Variants in SMYD3 observed in about 807,000 individuals in gnomAD.
The protein encoded by SMYD3 is histone-lysine N-methyltransferase SMYD3.
In SMYD3, 36 loss-of-function variants were observed where a neutral mutation model predicts 57.7. The ratio of observed to expected loss-of-function variants is 0.62; its 90% CI spans 0.48 to 0.82. The LOEUF is 0.82. Ranked by LOEUF, SMYD3 falls within the 40% of genes least tolerant of loss-of-function variation. The pLI is 0.00. For missense variants in SMYD3, 515 were observed against 538.8 expected, an observed-to-expected ratio of 0.96 and a Z score of 0.44; for synonymous variants, 211 against 195.0, an observed-to-expected ratio of 1.08 and a Z score of -0.68.
chr1:246,485,632 A>C (rs942777943), intron 1 of SMYD3, among the ~76,000 whole-genome samples: 1 of 151,888 alleles, frequency 6.6e-6, no homozygotes, highest in African/African-American at 2.4e-5. Flanking sequence ...CTACAAAAAA[A>C]ATTTTTTTTA....
At position 245,981,479 on chromosome 1, in the gene SMYD3, C is replaced by T. The variant is rs1199419960; in HGVS notation, c.532-51542G>A. Among the ~76,000 whole-genome samples the T allele has an allele frequency of 4.6e-5, 7 of 152,346 alleles. No individual in the cohort carries two copies. The East Asian group carries it at 9.6e-4, about 21-fold the overall frequency. Reference sequence around the variant, plus strand: ...CTTTCAGAATCCTTCTATGTATATACATTTACATTAGAAATGTTTTAAAGG... The same window carrying T: ...CTTTCAGAATCCTTCTATGTATATATATTTACATTAGAAATGTTTTAAAGG... On this transcript the variant is annotated intron_variant, in intron 5 of 11. Coordinates refer to ENST00000490107, the MANE Select transcript of SMYD3 (RefSeq NM_001167740.2).
chr1:246,211,498 C>A (rs1467073115), intron 5 of SMYD3, among the ~76,000 whole-genome samples: 2 of 151,882 alleles, frequency 1.3e-5, no homozygotes, highest in Non-Finnish European at 2.9e-5. Context: ...TCCACTGATA[C>A]CACAATATAT....
At chr1:246,360,179 G>C (rs2065966213) in intron 1 of SMYD3, among the ~76,000 whole-genome samples, 1 of 152,120 alleles carries the variant, frequency 6.6e-6, no homozygotes, top group Non-Finnish European at 1.5e-5. Context: ...CAACCAAGCT[G>C]AGAATCAAAT....
chr1:245,867,173 A>G (rs1286100204), intron 8 of SMYD3, among the ~76,000 whole-genome samples: 4 of 152,188 alleles, frequency 2.6e-5, no homozygotes, highest in Admixed American at 6.5e-5. Context: ...TTAGAAGTAG[A>G]AGAGGGAGGC....
chr1:245,917,733 G>C (rs2153027), intron 7 of SMYD3, among the ~76,000 whole-genome samples: 1 of 152,268 alleles, frequency 6.6e-6, no homozygotes, highest in African/African-American at 2.4e-5. Flanking sequence ...GCTTGTACCA[G>C]ACTGTAGAAA....
chr1:246,135,092 C>G (rs532665332), intron 5 of SMYD3, among the ~76,000 whole-genome samples: 32 of 152,194 alleles, frequency 2.1e-4, no homozygotes, highest in African/African-American at 7.7e-4. Context: ...TTATTTAAAA[C>G]TATAACATGC....
chr1:246,386,753 A>T (rs12563081), intron 1 of SMYD3, among the ~76,000 whole-genome samples: 59,355 of 151,912 alleles, frequency 0.39, 11,795 homozygotes, highest in East Asian at 0.51. Flanking sequence ...TATAGACAAT[A>T]TGACAATGAG....
At chr1:245,909,025 A>G (rs1191501386) in intron 8 of SMYD3, among the ~76,000 whole-genome samples, 1 of 152,200 alleles carries the variant, frequency 6.6e-6, no homozygotes, top group African/African-American at 2.4e-5. Context: ...CAATGAAACA[A>G]AAAGTTTTTT....
intron 1 of SMYD3, among the ~76,000 whole-genome samples, chr1:246,473,450 G>C (rs2067987406): frequency 3.3e-5 from 5 of 152,112 alleles, no homozygotes; most frequent in Admixed American, 3.3e-4. Context: ...TTTTGGACTA[G>C]CTCTGTAAAT....
intron 5 of SMYD3, among the ~76,000 whole-genome samples, chr1:245,952,503 G>C (rs1207412217): frequency 6.6e-6 from 1 of 152,138 alleles, no homozygotes; most frequent in Non-Finnish European, 1.5e-5. Flanking sequence ...AACCTAACTA[G>C]AATCAATCAG....
At chr1:245,804,426 C>T (rs542698015) in intron 10 of SMYD3, among the ~76,000 whole-genome samples, 34 of 152,070 alleles carry the variant, frequency 2.2e-4, no homozygotes, top group Middle Eastern at 3.4e-3. Context: ...ACTAAAAATA[C>T]GGGCGCCTGT....
At chr1:246,198,720 T>C (rs1447218545) in intron 5 of SMYD3, among the ~76,000 whole-genome samples, 1 of 152,178 alleles carries the variant, frequency 6.6e-6, no homozygotes, top group African/African-American at 2.4e-5. Context: ...AATTGCAACA[T>C]AAAAATGAGA....
At chr1:246,127,526 C>A (rs2061526793) in intron 5 of SMYD3, among the ~76,000 whole-genome samples, 1 of 152,106 alleles carries the variant, frequency 6.6e-6, no homozygotes, top group Non-Finnish European at 1.5e-5. Context: ...TCTTCTATTT[C>A]TGTTGTCTGT....
chr1:246,265,580 G>A (rs180740832), intron 5 of SMYD3, among the ~76,000 whole-genome samples: 4,747 of 151,568 alleles, frequency 0.031, 92 homozygotes, highest in African/African-American at 0.042. Context: ...ATCTTTCAGG[G>A]ATGATAGCTA....
chr1:246,452,957 T>C lies in SMYD3; in HGVS notation c.164+54097A>G, dbSNP rs909352378. 2.0e-5 allele frequency among the ~76,000 whole-genome samples: 3 copies of C among 152,162 alleles called. No homozygotes were observed. The East Asian group carries it at 5.8e-4, about 29-fold the overall frequency. ...CATTGGGCTTCTAGATTAATATTCA[T>C]CTAGAAGTACCATACTAGCCAATGC... On this transcript the variant is annotated intron_variant, in intron 1 of 11. Coordinates refer to ENST00000490107, the MANE Select transcript of SMYD3 (RefSeq NM_001167740.2).
intron 1 of SMYD3, among the ~76,000 whole-genome samples, chr1:246,469,995 T>C: frequency 6.6e-6 from 1 of 152,230 alleles, no homozygotes; most frequent in East Asian, 1.9e-4. Flanking sequence ...ACATAAATAC[T>C]GTCTTATGTA....
intron 1 of SMYD3, among the ~76,000 whole-genome samples, chr1:246,450,353 C>T (rs1017474373): frequency 6.6e-6 from 1 of 151,766 alleles, no homozygotes; most frequent in Non-Finnish European, 1.5e-5. Flanking sequence ...GACTGAGTTT[C>T]AACTGATAAA....
chr1:245,890,645 A>G (rs1025948792), intron 8 of SMYD3, among the ~76,000 whole-genome samples: 1 of 152,238 alleles, frequency 6.6e-6, no homozygotes, highest in Admixed American at 6.5e-5. Flanking sequence ...TAGTACATCT[A>G]CTATGGAAAA....
intron 1 of SMYD3, among the ~76,000 whole-genome samples, chr1:246,505,577 C>A (rs539177435): frequency 1.4e-4 from 22 of 152,258 alleles, no homozygotes; most frequent in African/African-American, 5.3e-4. Flanking sequence ...CTTGGTTCAG[C>A]CGATGCCCAG....
Sources: allele counts gnomAD v4.1 joint callset (sites outside exome capture counted in the v4.1 genomes callset), GRCh38; gene constraint gnomAD v4.1.1; transcripts MANE v1.5; gene names NCBI Gene and HGNC (gene_info 2026-07-23, HGNC 2026-07-21).